The following KCNIP4 variants were observed in gnomAD, a reference collection of about 807,000 sequenced individuals.
KCNIP4 encodes the protein Kv channel-interacting protein 4.
KCNIP4 carries 12 observed loss-of-function variants against 34.0 expected under a neutral mutation model. The observed-to-expected ratio is 0.35, with a 90% CI of 0.23 to 0.57. The LOEUF (loss-of-function observed/expected upper bound fraction) is 0.57. Ranked by LOEUF, KCNIP4 falls within the 20% of genes least tolerant of loss-of-function variation. The probability of loss-of-function intolerance (pLI) is 0.83; values close to 1 mark genes in which losing one functional copy is unlikely to be tolerated. For synonymous variants in KCNIP4, 124 were observed against 102.2 expected (o/e 1.21, Z -1.29); for missense variants, 238 against 311.7 (o/e 0.76, Z 1.78).
intron 1 of KCNIP4, among the ~76,000 whole-genome samples, chr4:21,212,315 T>C (rs1438600078): frequency 6.6e-6 from 1 of 152,222 alleles, no homozygotes. Flanking sequence ...GCTGTATTAT[T>C]ATTACCACTT....
At chr4:21,492,933 T>C (rs1732533482) in intron 1 of KCNIP4, among the ~76,000 whole-genome samples, 1 of 152,204 alleles carries the variant, frequency 6.6e-6, no homozygotes, top group Non-Finnish European at 1.5e-5. Context: ...AACCACTCTT[T>C]ACTCTTCTCT....
In KCNIP4 at chr4:20,749,593, C is replaced by G. The variant is rs1381602701; in HGVS notation, c.429+69G>C. ...CTGAGCAAAAATAATCATCACCAAA[C>G]TCACATTTTCCCCCTAAAAAGACTA... is the stretch of plus-strand genomic sequence containing the variant. On this transcript the variant is annotated intron_variant, in intron 5 of 8. Transcript: ENST00000382152. The G allele has an allele frequency of 3.6e-6, 4 of 1,103,020 alleles. No individual in the cohort carries two copies. The African/African-American group carries it at 6.3e-5, about 17-fold the overall frequency. The allele number at this position is 1,103,020 out of a possible 1,614,324, so 68.3% of individuals were successfully genotyped here.
At chr4:20,921,256 G>T (rs1466945438) in intron 1 of KCNIP4, among the ~76,000 whole-genome samples, 1 of 152,156 alleles carries the variant, frequency 6.6e-6, no homozygotes, top group African/African-American at 2.4e-5. Context: ...TTGTAATATA[G>T]GGCTGATGAG....
intron 1 of KCNIP4, among the ~76,000 whole-genome samples, chr4:21,134,703 A>T (rs1440489211): frequency 6.6e-6 from 1 of 151,324 alleles, no homozygotes; most frequent in Non-Finnish European, 1.5e-5. Context: ...CATTTCCTCT[A>T]CTCTTGTTTT....
chr4:21,905,935 C>G (rs569470956), intron 1 of KCNIP4, among the ~76,000 whole-genome samples: 29 of 152,266 alleles, frequency 1.9e-4, no homozygotes, highest in African/African-American at 6.7e-4. Context: ...ATAGATCCCA[C>G]TGACTTGCCA....
intron 1 of KCNIP4, among the ~76,000 whole-genome samples, chr4:21,546,664 A>G (rs1738178435): frequency 6.6e-6 from 1 of 152,154 alleles, no homozygotes; most frequent in South Asian, 2.1e-4. Flanking sequence ...AGCCATTCTT[A>G]TGTCTTCCTT....
At position 21,358,572 on chromosome 4, in the gene KCNIP4, T is replaced by C. The variant is rs182238158; in HGVS notation, c.62-475863A>G. On this transcript the variant is annotated intron_variant, in intron 1 of 8. Transcript: ENST00000382152. Reference sequence around the variant, plus strand: ...TTTATGCATCAGCTTGACTGAGCCATAGGGTGACCAGATTGAACATTATTT... The same window carrying C: ...TTTATGCATCAGCTTGACTGAGCCACAGGGTGACCAGATTGAACATTATTT... Among the ~76,000 whole-genome samples, 3 of 152,228 alleles carry C rather than the reference T, an allele frequency of 2.0e-5. No homozygotes were observed. The East Asian group carries it at 5.8e-4, about 29-fold the overall frequency.
intron 1 of KCNIP4, among the ~76,000 whole-genome samples, chr4:21,654,921 C>G (rs936976213): frequency 6.6e-6 from 1 of 150,524 alleles, no homozygotes; most frequent in Non-Finnish European, 1.5e-5. Flanking sequence ...GAGACTCTGT[C>G]TCAAAAAAAA....
At chr4:21,015,586 TAATA>T (rs1411383360) in intron 1 of KCNIP4, among the ~76,000 whole-genome samples, 13 of 129,874 alleles carry the variant, frequency 1.0e-4, no homozygotes, top group African/African-American at 1.5e-4. Context: ...TAATATAATA[TAATA>T]TAGTATATTG....
chr4:21,043,150 G>T (rs1560671662), intron 1 of KCNIP4, among the ~76,000 whole-genome samples: 1 of 152,136 alleles, frequency 6.6e-6, no homozygotes, highest in African/African-American at 2.4e-5. Flanking sequence ...AGGAAACCAG[G>T]TTGTCAAGAA....
At chr4:21,279,304 A>G (rs1265990095) in intron 1 of KCNIP4, among the ~76,000 whole-genome samples, 1 of 151,918 alleles carries the variant, frequency 6.6e-6, no homozygotes, top group African/African-American at 2.4e-5. Flanking sequence ...CTTCTTGTGT[A>G]TTTTTCTGTT....
intron 1 of KCNIP4, among the ~76,000 whole-genome samples, chr4:21,347,143 A>G (rs1717518908): frequency 6.6e-6 from 1 of 152,164 alleles, no homozygotes; most frequent in Non-Finnish European, 1.5e-5. Context: ...TTTCAAATGG[A>G]AGAGATTTAA....
intron 5 of KCNIP4, among the ~76,000 whole-genome samples, chr4:20,739,134 C>A (rs1015380018): frequency 3.3e-5 from 5 of 152,206 alleles, no homozygotes; most frequent in Non-Finnish European, 5.9e-5. Flanking sequence ...GCCTGCCTGC[C>A]TCTGTAGATG....
chr4:21,253,812 C>A (rs1318244913), intron 1 of KCNIP4, among the ~76,000 whole-genome samples: 4 of 152,098 alleles, frequency 2.6e-5, no homozygotes, highest in Admixed American at 6.5e-5. Flanking sequence ...AGCCAAATGT[C>A]CATTTGCAGA....
intron 1 of KCNIP4, among the ~76,000 whole-genome samples, chr4:21,748,998 A>G (rs1001794009): frequency 1.3e-5 from 2 of 152,158 alleles, no homozygotes; most frequent in Non-Finnish European, 2.9e-5. Flanking sequence ...TGTAATAACT[A>G]CTAGAATAAA....
intron 1 of KCNIP4, among the ~76,000 whole-genome samples, chr4:20,899,947 C>T (rs1726988935): frequency 6.6e-6 from 1 of 152,208 alleles, no homozygotes; most frequent in Non-Finnish European, 1.5e-5. Flanking sequence ...ATGCTAGCAT[C>T]ACTCAATTCC....
At position 21,715,089 on chromosome 4, in the gene KCNIP4, A is replaced by ATTTATTTTATTTTAT. The variant is rs1553924049; in HGVS notation, c.61+233481_61+233482insATAAAATAAAATAAA. Reference sequence around the variant, plus strand: ...ATTTTATTTTATTTTATTTTATTTTATTTATTTTTGAGATGGAGTCTGGCT... The same window carrying ATTTATTTTATTTTAT: ...ATTTTATTTTATTTTATTTTATTTTATTTATTTTATTTTATTTTATTTTTGAGATGGAGTCTGGCT... On this transcript the variant is annotated intron_variant, in intron 1 of 8. Coordinates refer to ENST00000382152, the MANE Select transcript of KCNIP4 (RefSeq NM_025221.6). Among the ~76,000 whole-genome samples the ATTTATTTTATTTTAT allele has an allele frequency of 1.9e-3, 29 of 15,268 alleles. 11 individuals are homozygous for ATTTATTTTATTTTAT. Among genetic ancestry groups the ATTTATTTTATTTTAT allele is most frequent in the Middle Eastern group, 0.091 (2 of 22 alleles). 10.0% of individuals were successfully genotyped at this position (15,268 alleles called of 152,430 possible). A position where few individuals can be genotyped will look rare whatever the true frequency, so the allele number is the denominator to read the frequency against.
rs1489851296 is a variant in KCNIP4, at chr4:20,728,774, A to ACCAGAATAGATACCTGATTTATTGTTGC, written c.*1280_*1307dup. The ACCAGAATAGATACCTGATTTATTGTTGC allele has an allele frequency of 2.0e-5, 3 of 152,558 alleles. No individual in the cohort carries two copies. Among genetic ancestry groups the ACCAGAATAGATACCTGATTTATTGTTGC allele is most frequent in the Non-Finnish European group, 2.9e-5 (2 of 67,998 alleles). The allele number at this position is 152,558 out of a possible 1,614,324, so 9.5% of individuals were successfully genotyped here. On this transcript the variant is annotated 3_prime_UTR_variant, in exon 9 of 9. Coordinates refer to ENST00000382152, the MANE Select transcript of KCNIP4 (RefSeq NM_025221.6). Reference sequence around the variant, plus strand: ...GCAGCTTTCAACATCCTATCTCTACACCAGAATAGATACCTGATTTATTGT... The same window carrying ACCAGAATAGATACCTGATTTATTGTTGC: ...GCAGCTTTCAACATCCTATCTCTACACCAGAATAGATACCTGATTTATTGTTGCCCAGAATAGATACCTGATTTATTGT...
At chr4:21,840,342 G>A (rs150062141) in intron 1 of KCNIP4, among the ~76,000 whole-genome samples, 14 of 152,114 alleles carry the variant, frequency 9.2e-5, no homozygotes, top group East Asian at 3.9e-4. Context: ...CGTAGACGAC[G>A]TTGCACAAGT....
Sources: gnomAD v4.1 joint callset for allele counts (sites outside exome capture counted in the v4.1 genomes callset) on GRCh38, gnomAD v4.1.1 for gene constraint, MANE v1.5 for transcripts, NCBI Gene and HGNC (gene_info 2026-07-23, HGNC 2026-07-21) for gene names.